The following KIF2A variants were observed in gnomAD, a reference collection of about 807,000 sequenced individuals.
The protein encoded by KIF2A is kinesin family member 2A.
KIF2A carries 22 observed loss-of-function variants against 100.2 expected under a neutral mutation model. The observed-to-expected ratio is 0.22, with a 90% CI of 0.16 to 0.31. The LOEUF (loss-of-function observed/expected upper bound fraction) is 0.31, where lower values mean the gene tolerates loss of function less well. KIF2A is among the 10% of genes least tolerant of loss of function. The pLI is 1.00. For synonymous variants in KIF2A, 268 were observed against 285.9 expected, an observed-to-expected ratio of 0.94 and a Z score of 0.63; for missense variants, 495 against 898.7, an observed-to-expected ratio of 0.55 and a Z score of 5.74.
intron 1 of KIF2A, chr5:62,308,169 A>G (rs913177956): frequency 9.1e-6 from 3 of 330,168 alleles, no homozygotes; most frequent in Non-Finnish European, 1.7e-5. Flanking sequence ...TGAAAAGATA[A>G]ATTATACCGC....
chr5:62,306,509 A>T lies in KIF2A; in HGVS notation c.37A>T (p.Ile13Phe). Residue 13 changes from isoleucine to phenylalanine, a missense_variant, in exon 1 of 21, where the codon ATT becomes TTT. Around this residue, in one of 10 missense-constraint regions of KIF2A, gnomAD observed 26 missense variants for 16.4 expected, o/e 1.59. Coordinates refer to ENST00000407818, the MANE Select transcript of KIF2A (RefSeq NM_001098511.3). ...TANFGKIQIG[I>F]YVEIKRSDGR... ...CAACTTCGGCAAGATCCAGATCGGG[A>T]TTTACGTGGAGATCAAGCGCAGCGA... 8 of 1,544,476 alleles carry T rather than the reference A, an allele frequency of 5.2e-6. No individual in the cohort carries two copies. Among genetic ancestry groups the T allele is most frequent in the Non-Finnish European group, 7.0e-6 (8 of 1,144,232 alleles).
At position 62,373,775 on chromosome 5, in the gene KIF2A, A is replaced by T; in HGVS notation, c.1849A>T (p.Thr617Ser). 1 of 1,613,338 alleles carries T rather than the reference A, an allele frequency of 6.2e-7. No homozygotes were observed. Among genetic ancestry groups the T allele is most frequent in the Admixed American group, 1.7e-5 (1 of 60,014 alleles). Reference protein sequence around the residue: ...HPPNQIDDLETQWGVGSSPQR... With the variant: ...HPPNQIDDLESQWGVGSSPQR... ...ACCAAACCAGATTGATGACTTAGAG[A>T]CACAGTGGGGTGTGGGGAGTTCCCC... Residue 617 changes from threonine (T) to serine (S), a missense_variant, in exon 18 of 21, where the codon ACA (threonine) becomes TCA (serine). Thr to Ser is a moderately conservative substitution (Grantham distance 58). Around this residue, in one of 10 missense-constraint regions of KIF2A, gnomAD observed 100 missense variants for 138.2 expected, o/e 0.72. Transcript: ENST00000407818.
At chr5:62,365,007 C>T (rs1191220956) in intron 14 of KIF2A, among the ~76,000 whole-genome samples, 1 of 152,088 alleles carries the variant, frequency 6.6e-6, no homozygotes, top group East Asian at 1.9e-4. Flanking sequence ...GTAGGAGAAT[C>T]GCCTGAAGCC....
At chr5:62,311,137 A>G (rs959185699) in intron 1 of KIF2A, among the ~76,000 whole-genome samples, 15 of 152,230 alleles carry the variant, frequency 9.9e-5, no homozygotes, top group Admixed American at 3.3e-4. Flanking sequence ...AGATCACCAT[A>G]AGTGACTTAT....
intron 1 of KIF2A, among the ~76,000 whole-genome samples, chr5:62,335,034 AT>A (rs1379347363): frequency 2.0e-5 from 3 of 152,124 alleles, no homozygotes; most frequent in Non-Finnish European, 4.4e-5. Context: ...AAGGGCCTGG[AT>A]TTTTAGAAGG....
At chr5:62,351,172 A>C (rs558164517) in intron 4 of KIF2A, among the ~76,000 whole-genome samples, 60 of 152,204 alleles carry the variant, frequency 3.9e-4, no homozygotes, top group Non-Finnish European at 5.4e-4. Flanking sequence ...GTGGAGGTTC[A>C]GTGAGCCGAG....
At chr5:62,313,951 C>T (rs547060197) in intron 1 of KIF2A, among the ~76,000 whole-genome samples, 2 of 151,906 alleles carry the variant, frequency 1.3e-5, no homozygotes, top group African/African-American at 4.8e-5. Flanking sequence ...ACAACCATGC[C>T]TAGCTAATTT....
In KIF2A at chr5:62,348,162, G is replaced by C; in HGVS notation, c.274G>C (p.Val92Leu). ...PASSAKVNKI[V>L]KNRRTVASIK... is the part of the protein sequence containing the mutation. Reference sequence around the variant, plus strand: ...ATCCTCAGCCAAAGTAAACAAAATTGTAAAGGTTAGTGATGAAAATTCAGA... The same window carrying C: ...ATCCTCAGCCAAAGTAAACAAAATTCTAAAGGTTAGTGATGAAAATTCAGA... The change falls in exon 3 of 21, where the codon GTA becomes CTA. Residue 92 changes from valine to leucine, a missense_variant. By Grantham distance (32) the Val-to-Leu change is conservative. Transcript: ENST00000407818. 6.2e-7 allele frequency: 1 copy of C among 1,613,534 alleles called. No individual in the cohort carries two copies. Among genetic ancestry groups the C allele is most frequent in the South Asian group, 1.1e-5 (1 of 91,082 alleles).
At chr5:62,313,922 G>C (rs1025744272) in intron 1 of KIF2A, among the ~76,000 whole-genome samples, 6 of 151,942 alleles carry the variant, frequency 3.9e-5, no homozygotes, top group African/African-American at 1.5e-4. Flanking sequence ...TTCCCAAGTA[G>C]CTAGGACTAC....
intron 1 of KIF2A, among the ~76,000 whole-genome samples, chr5:62,331,041 A>G (rs989529057): frequency 1.3e-5 from 2 of 152,250 alleles, no homozygotes; most frequent in African/African-American, 4.8e-5. Context: ...ATTATAAACA[A>G]TCTTATAACT....
chr5:62,321,317 T>G (rs926278920), intron 1 of KIF2A, among the ~76,000 whole-genome samples: 2 of 152,218 alleles, frequency 1.3e-5, no homozygotes, highest in Non-Finnish European at 2.9e-5. Flanking sequence ...GTAACTATAC[T>G]TACTTTTTGA....
intron 1 of KIF2A, among the ~76,000 whole-genome samples, chr5:62,326,425 G>T (rs1346069024): frequency 6.6e-6 from 1 of 151,988 alleles, no homozygotes; most frequent in Non-Finnish European, 1.5e-5. Flanking sequence ...TCACCACCAA[G>T]AAATATAAAC....
At chr5:62,316,835 G>T (rs1397490933) in intron 1 of KIF2A, among the ~76,000 whole-genome samples, 6 of 152,008 alleles carry the variant, frequency 3.9e-5, no homozygotes, top group Non-Finnish European at 8.8e-5. Context: ...CAAACTTTAG[G>T]TGTTAAAAGT....
At chr5:62,368,133 G>A (rs902644909) in intron 16 of KIF2A, among the ~76,000 whole-genome samples, 3 of 152,114 alleles carry the variant, frequency 2.0e-5, no homozygotes, top group Non-Finnish European at 2.9e-5. Context: ...TTGGGAAATA[G>A]AGCATTATTG....
In KIF2A at chr5:62,310,591, C is replaced by T. The variant is rs1352890203; in HGVS notation, c.64+4055C>T. On this transcript the variant is annotated intron_variant, in intron 1 of 20. Transcript: ENST00000407818. ...CCCTACTCTGGCCCTCTACTTCCCG[C>T]TGGCCTGTTAGTCAGGAACTACAGC... 5.2e-3 allele frequency among the ~76,000 whole-genome samples: 792 copies of T among 152,284 alleles called. 8 individuals are homozygous for T. The highest frequency in any genetic ancestry group is 0.018 in the African/African-American group (745 of 41,538).
Position 62,358,128 on chromosome 5 carries a change from T to C in KIF2A, c.710-9T>C. 6.5e-7 allele frequency: 1 copy of C among 1,535,512 alleles called. No homozygotes were observed. Among genetic ancestry groups the C allele is most frequent in the South Asian group, 1.3e-5 (1 of 79,720 alleles). On this transcript the variant is annotated splice_polypyrimidine_tract_variant and intron_variant, in intron 8 of 20. Transcript: ENST00000407818. ...ATTATTGGGCATTGATTTTCATTTA[T>C]TCTTTTAGAAACTCAAATGAAAGAT...
Position 62,355,139 on chromosome 5 carries a change from TTCTC to T in KIF2A, c.559-16_559-13del, listed in dbSNP as rs757815599. 7.1e-5 allele frequency: 75 copies of T among 1,062,014 alleles called. No individual in the cohort carries two copies. The highest frequency in any genetic ancestry group is 9.6e-5 in the Non-Finnish European group (67 of 695,382). The allele number at this position is 1,062,014 out of a possible 1,614,324, so 65.8% of individuals were successfully genotyped here. On this transcript the variant is annotated splice_polypyrimidine_tract_variant and intron_variant, in intron 6 of 20. Transcript: ENST00000407818. ...ACATTATTATATTTATAATGGTGAA[TTCTC>T]TCTGTCTTCTAATAGGACGTTGATG...
In KIF2A at chr5:62,363,743, A is replaced by G; in HGVS notation, c.1311A>G (p.Ala437=). 1 of 1,613,954 alleles carries G rather than the reference A, an allele frequency of 6.2e-7. No homozygotes were observed. The highest frequency in any genetic ancestry group is 8.5e-7 in the Non-Finnish European group (1 of 1,179,854). Residue 437 remains alanine, a synonymous_variant, in exon 14 of 21, where the codon GCA becomes GCG. Transcript: ENST00000407818. ...ATGCACATTCATCTCGGAGCCATGC[A>G]GTGTTTCAGATTATTCTTAGAAGGA... ...SANAHSSRSH[A]VFQIILRRKG...
intron 9 of KIF2A, 84 bp downstream of exon 9, chr5:62,358,383 A>G (rs1748220154): frequency 4.6e-6 from 4 of 879,104 alleles, no homozygotes; most frequent in Non-Finnish European, 5.1e-6. Context: ...ATTGTGGGAT[A>G]TTTCTTAAGA....
Sources: gnomAD v4.1 joint callset for allele counts (sites outside exome capture counted in the v4.1 genomes callset) on GRCh38, gnomAD v4.1.1 for gene constraint, gnomAD v4.1.1 regional missense constraint, MANE v1.5 for transcripts, NCBI Gene and HGNC (gene_info 2026-07-23, HGNC 2026-07-21) for gene names.